The following SLC30A7 variants were observed in gnomAD, a reference collection of about 807,000 sequenced individuals.
SLC30A7 encodes the protein solute carrier family 30 member 7.
Under a neutral mutation model 46.0 loss-of-function variants are expected in SLC30A7, and 35 were observed. The ratio of observed to expected loss-of-function variants is 0.76; its 90% CI spans 0.58 to 1.01. SLC30A7 has a LOEUF of 1.01. Among genes scored for constraint, SLC30A7 ranks in the 50% least tolerant of loss-of-function variants. The probability of loss-of-function intolerance (pLI) is 0.00; values close to 1 mark genes in which losing one functional copy is unlikely to be tolerated. For missense variants in SLC30A7, 464 were observed against 451.1 expected (o/e 1.03, Z -0.26); for synonymous variants, 147 against 157.8 (o/e 0.93, Z 0.51).
intron 8 of SLC30A7, among the ~76,000 whole-genome samples, chr1:100,929,335 T>C (rs530469482): frequency 6.6e-6 from 1 of 152,098 alleles, no homozygotes; most frequent in Non-Finnish European, 1.5e-5. Flanking sequence ...GAAATTCTAG[T>C]TCAGCATTTT....
chr1:100,906,058 C>T (rs1426531620), intron 2 of SLC30A7, among the ~76,000 whole-genome samples: 2 of 152,160 alleles, frequency 1.3e-5, no homozygotes, highest in Non-Finnish European at 2.9e-5. Flanking sequence ...AAACTATTTG[C>T]TCAGTAGTCA....
At chr1:100,952,323 T>G (rs966328030) in intron 8 of SLC30A7, among the ~76,000 whole-genome samples, 1 of 152,184 alleles carries the variant, frequency 6.6e-6, no homozygotes, top group Non-Finnish European at 1.5e-5. Flanking sequence ...GTGACTCAAT[T>G]TTTCATCTTT....
chr1:100,993,566 ATAT>A, the SLC30A7 span, among the ~76,000 whole-genome samples: 3 of 71,190 alleles, frequency 4.2e-5, no homozygotes, highest in African/African-American at 1.8e-4. Context: ...ATAAATATAT[ATAT>A]ATATATATAT....
rs766664450 is a variant in SLC30A7, at chr1:100,896,291, A to G, written c.29A>G (p.Glu10Gly). The G allele has an allele frequency of 1.2e-6, 2 of 1,614,190 alleles. No individual in the cohort carries two copies. The highest frequency in any genetic ancestry group is 3.3e-5 in the Admixed American group (2 of 60,026). Residue 10 changes from glutamate to glycine, a missense_variant, in exon 1 of 11, where the codon GAA (glutamate) becomes GGA (glycine). Coordinates refer to ENST00000357650, the MANE Select transcript of SLC30A7 (RefSeq NM_133496.5). MLPLSIKDD[E>G]YKPPKFNLFG... ...TTGCCCCTGTCCATCAAAGACGATG[A>G]ATACAAACCACCCAAGTTCAATTTG...
chr1:100,897,555 C>T (rs1001653092), intron 2 of SLC30A7, among the ~76,000 whole-genome samples: 2 of 152,082 alleles, frequency 1.3e-5, no homozygotes, highest in Admixed American at 6.5e-5. Context: ...AGATTAAGAA[C>T]CTGTTTTCTA....
In SLC30A7 at chr1:100,896,571, T is replaced by G. The variant is rs761801732; in HGVS notation, c.82T>G (p.Ser28Ala). ...CTTTTCCACGTGTATCATTCCCAGGTCTATACTGTCCGACAAGACTTCCCG... is the reference window on the plus strand; with the variant it reads ...CTTTTCCACGTGTATCATTCCCAGGGCTATACTGTCCGACAAGACTTCCCG... ...LFGKISGWFR[S>A]ILSDKTSRNL... Residue 28 changes from serine to alanine, a missense_variant and splice_region_variant, in exon 2 of 11, where the codon TCT (serine) becomes GCT (alanine). Transcript: ENST00000357650. 17 of 1,613,598 alleles carry G rather than the reference T, an allele frequency of 1.1e-5. No homozygotes were observed. The highest frequency in any genetic ancestry group is 2.7e-5 in the African/African-American group (2 of 74,884).
chr1:100,913,854 T>C (rs761144807), intron 6 of SLC30A7, 48 bp downstream of exon 6: 23 of 1,568,682 alleles, frequency 1.5e-5, no homozygotes, highest in Non-Finnish European at 1.9e-5. Flanking sequence ...TAAACAAGAG[T>C]TTTGTGGATT....
intron 8 of SLC30A7, among the ~76,000 whole-genome samples, chr1:100,957,958 A>G (rs1020753608): frequency 2.0e-5 from 3 of 152,084 alleles, no homozygotes; most frequent in African/African-American, 7.2e-5. Flanking sequence ...CCTTTTTTGT[A>G]AACACAGGAA....
intron 2 of SLC30A7, among the ~76,000 whole-genome samples, chr1:100,904,064 A>G (rs1046467614): frequency 2.6e-5 from 4 of 152,064 alleles, no homozygotes; most frequent in African/African-American, 9.7e-5. Flanking sequence ...AATTATTATA[A>G]CAATTATGAC....
At chr1:100,909,364 CT>C (rs775587588) in intron 3 of SLC30A7, among the ~76,000 whole-genome samples, 2 of 152,054 alleles carry the variant, frequency 1.3e-5, no homozygotes, top group Non-Finnish European at 2.9e-5. Flanking sequence ...TCTTGCCACA[CT>C]CTTATTTTTT....
At chr1:100,954,739 CTATT>C (rs1322268107) in intron 8 of SLC30A7, among the ~76,000 whole-genome samples, 2 of 151,990 alleles carry the variant, frequency 1.3e-5, no homozygotes, top group African/African-American at 2.4e-5. Flanking sequence ...TTTTGGTTAT[CTATT>C]CTATAGAAGG....
chr1:100,930,166 C>T (rs897749832), intron 8 of SLC30A7, among the ~76,000 whole-genome samples: 1 of 151,822 alleles, frequency 6.6e-6, no homozygotes, highest in African/African-American at 2.4e-5. Flanking sequence ...TTAAAAAAAT[C>T]AATTTTCTGC....
In SLC30A7 at chr1:100,965,936, A is replaced by G. The variant is rs1379567506; in HGVS notation, c.1083+18A>G. 1.9e-6 allele frequency: 3 copies of G among 1,592,530 alleles called. No individual in the cohort carries two copies. In the African/African-American group the frequency reaches 4.1e-5, roughly 22 times the overall value. ...TTACTCAGGTATGTCTTTTTTACTA[A>G]CTTCTTTTAAGGGCCTTAACATTTT... On this transcript the variant is annotated intron_variant, in intron 10 of 10. Transcript: ENST00000357650.
intron 10 of SLC30A7, among the ~76,000 whole-genome samples, chr1:100,968,410 G>GAGA (rs922191371): frequency 4.6e-5 from 7 of 151,324 alleles, no homozygotes; most frequent in Non-Finnish European, 8.8e-5. Context: ...GCAGTGAGCT[G>GAGA]AGAGCATGCC....
intron 3 of SLC30A7, 44 bp from the exon 4 acceptor site, chr1:100,911,019 A>T (rs1652053943): frequency 7.0e-7 from 1 of 1,419,166 alleles, no homozygotes; most frequent in Non-Finnish European, 9.9e-7. Context: ...TTAATTTTTA[A>T]GAAATAACAT....
chr1:100,950,893 A>G (rs1246924292), intron 8 of SLC30A7, among the ~76,000 whole-genome samples: 1 of 152,120 alleles, frequency 6.6e-6, no homozygotes, highest in Non-Finnish European at 1.5e-5. Context: ...CCTGTAGAGG[A>G]GTGGAGAAGT....
chr1:100,931,412 C>T (rs1430233801), intron 8 of SLC30A7, among the ~76,000 whole-genome samples: 1 of 152,134 alleles, frequency 6.6e-6, no homozygotes, highest in Non-Finnish European at 1.5e-5. Flanking sequence ...GTCAATGCCT[C>T]CAAAAGGTTG....
Position 100,896,148 on chromosome 1 carries a change from C to A in SLC30A7, c.-115C>A. The A allele has an allele frequency of 2.3e-6, 2 of 877,084 alleles. No homozygotes were observed. The highest frequency in any genetic ancestry group is 2.0e-5 in the Admixed American group (1 of 50,070). 54.3% of individuals were successfully genotyped at this position (877,084 alleles called of 1,614,324 possible). A position where few individuals can be genotyped will look rare whatever the true frequency, so the allele number is the denominator to read the frequency against. ...TCTGTCTGTGTCTCGCAGCGGCGCG[C>A]GGCCCCGGACAAGCGCTGGGGATTC... is the stretch of plus-strand genomic sequence containing the variant. On this transcript the variant is annotated 5_prime_UTR_variant, in exon 1 of 11. Transcript: ENST00000357650.
intron 7 of SLC30A7, among the ~76,000 whole-genome samples, chr1:100,920,199 T>A (rs1268825093): frequency 6.6e-6 from 1 of 152,012 alleles, no homozygotes; most frequent in Non-Finnish European, 1.5e-5. Context: ...TTTAGAGTTA[T>A]TTTCATTTTT....
Sources: gnomAD v4.1 joint callset for allele counts (sites outside exome capture counted in the v4.1 genomes callset) on GRCh38, gnomAD v4.1.1 for gene constraint, MANE v1.5 for transcripts, NCBI Gene and HGNC (gene_info 2026-07-23, HGNC 2026-07-21) for gene names.